MECOM: variants seen among roughly 807,000 people sequenced by gnomAD.
The protein encoded by MECOM is histone-lysine N-methyltransferase MECOM.
A neutral mutation model predicts 116.3 loss-of-function variants in MECOM; 13 were observed. That is an observed-to-expected ratio of 0.11 (90% CI 0.07 to 0.18). The LOEUF (loss-of-function observed/expected upper bound fraction) is 0.18. MECOM is among the 10% of genes least tolerant of loss of function. The pLI, the probability that MECOM is intolerant of heterozygous loss-of-function variation, is 1.00. For missense variants in MECOM, 1,299 were observed against 1,509.0 expected (o/e 0.86, Z 2.31); for synonymous variants, 528 against 535.2 (o/e 0.99, Z 0.19).
At chr3:169,620,034 C>T (rs1577140754) in intron 1 of MECOM, among the ~76,000 whole-genome samples, 1 of 152,278 alleles carries the variant, frequency 6.6e-6, no homozygotes, top group East Asian at 1.9e-4. Context: ...TGTCAACAAA[C>T]AATTGCTTTG....
rs3042768 is a variant in MECOM at position 169,479,652 on chromosome 3, TA to T, written c.38-98129del. Among the ~76,000 whole-genome samples the T allele has an allele frequency of 2.4e-3, 308 of 126,664 alleles. 1 individual carries two copies. The highest frequency in any genetic ancestry group is 5.3e-3 in the Admixed American group (65 of 12,154). The allele number at this position is 126,664 out of a possible 152,430, so 83.1% of individuals were successfully genotyped here. The stretch of plus-strand genomic sequence containing the variant: ...TCTCATTTTCAGATTTTCTCTTACC[TA>T]AAAAAAAAAAAAAAAAAAAAAAAAT... On this transcript the variant is annotated intron_variant, in intron 1 of 16. Transcript: ENST00000651503.
intron 1 of MECOM, among the ~76,000 whole-genome samples, chr3:169,507,713 G>C (rs1755437022): frequency 7.8e-6 from 1 of 128,192 alleles, no homozygotes; most frequent in East Asian, 2.4e-4. Context: ...CCAGGCTGGA[G>C]TGCAGTGGCG....
At chr3:169,352,810 G>A (rs768035172) in intron 2 of MECOM, among the ~76,000 whole-genome samples, 55 of 151,980 alleles carry the variant, frequency 3.6e-4, no homozygotes, top group Admixed American at 1.2e-3. Context: ...TTCTTGCAAC[G>A]AAGCTATTCA....
intron 1 of MECOM, among the ~76,000 whole-genome samples, chr3:169,416,717 A>G (rs1738672302): frequency 6.6e-6 from 1 of 152,214 alleles, no homozygotes; most frequent in Non-Finnish European, 1.5e-5. Flanking sequence ...CTGACCCCAT[A>G]GAAATACAAA....
At chr3:169,177,643 G>A (rs1346180423) in intron 2 of MECOM, among the ~76,000 whole-genome samples, 1 of 152,040 alleles carries the variant, frequency 6.6e-6, no homozygotes. Context: ...AGGACCAGGC[G>A]CGGTTGCTCA....
intron 1 of MECOM, among the ~76,000 whole-genome samples, chr3:169,419,907 T>C (rs1369918336): frequency 6.6e-6 from 1 of 152,024 alleles, no homozygotes; most frequent in Non-Finnish European, 1.5e-5. Flanking sequence ...TAAACAAATT[T>C]ACAAGAAGAA....
intron 2 of MECOM, among the ~76,000 whole-genome samples, chr3:169,310,910 C>A (rs1718635575): frequency 6.6e-6 from 1 of 152,186 alleles, no homozygotes; most frequent in South Asian, 2.1e-4. Flanking sequence ...GCCTCTATCC[C>A]AGGGTCCTGC....
intron 2 of MECOM, among the ~76,000 whole-genome samples, chr3:169,368,032 C>T (rs1485273210): frequency 2.6e-5 from 4 of 152,008 alleles, no homozygotes; most frequent in Non-Finnish European, 4.4e-5. Flanking sequence ...TTATGAACAT[C>T]TTATATCGAA....
intron 2 of MECOM, among the ~76,000 whole-genome samples, chr3:169,226,432 C>T (rs956912916): frequency 5.9e-5 from 9 of 152,096 alleles, no homozygotes; most frequent in East Asian, 1.9e-4. Flanking sequence ...TTGTGAATTA[C>T]GTATTATGAA....
chr3:169,323,929 G>C (rs1195494224), intron 2 of MECOM, among the ~76,000 whole-genome samples: 1 of 152,102 alleles, frequency 6.6e-6, no homozygotes, highest in Admixed American at 6.6e-5. Flanking sequence ...AGCCTCCTTG[G>C]CTATTTTTCA....
Position 169,109,417 on chromosome 3 carries a change from CTT to C in MECOM, c.2578-1467_2578-1466del, listed in dbSNP as rs3980922. 1.5e-3 allele frequency among the ~76,000 whole-genome samples: 217 copies of C among 141,656 alleles called. 1 individual carries two copies. The highest frequency in any genetic ancestry group is 4.3e-3 in the East Asian group (21 of 4,906). 92.9% of individuals were successfully genotyped at this position (141,656 alleles called of 152,430 possible). A position where few individuals can be genotyped will look rare whatever the true frequency, so the allele number is the denominator to read the frequency against. On this transcript the variant is annotated intron_variant, in intron 9 of 16. Transcript: ENST00000651503. ...AATTTTGATGTATGCATTCATGTAT[CTT>C]TTTTTTTTTTTTGAGTTGGACTTTC...
intron 1 of MECOM, among the ~76,000 whole-genome samples, chr3:169,531,916 G>A (rs1358913067): frequency 6.6e-6 from 1 of 152,166 alleles, no homozygotes; most frequent in African/African-American, 2.4e-5. Context: ...ACAAGTTTTA[G>A]ATCAAAAGGA....
Position 169,539,107 on chromosome 3 carries a change from C to A in MECOM, c.37+124229G>T, listed in dbSNP as rs139749774. 2.0e-4 allele frequency among the ~76,000 whole-genome samples: 30 copies of A among 151,870 alleles called. No individual in the cohort carries two copies. The East Asian group carries it at 5.8e-3, about 29-fold the overall frequency. On this transcript the variant is annotated intron_variant, in intron 1 of 16. Transcript: ENST00000651503. ...CTATATACATATGAAACTAGACTAT[C>A]CAGGAAAATATAGAATAGCTCGTTG...
At chr3:169,140,534 T>C (rs1257485900) in intron 3 of MECOM, among the ~76,000 whole-genome samples, 3 of 152,056 alleles carry the variant, frequency 2.0e-5, no homozygotes, top group Non-Finnish European at 2.9e-5. Context: ...TTAGCAGTGA[T>C]GTCAATGTTT....
chr3:169,430,089 A>G (rs1741365453), intron 1 of MECOM, among the ~76,000 whole-genome samples: 1 of 152,212 alleles, frequency 6.6e-6, no homozygotes, highest in African/African-American at 2.4e-5. Context: ...GTAAGATTCT[A>G]CTTTGAACAG....
chr3:169,240,545 T>C (rs558321215), intron 2 of MECOM, among the ~76,000 whole-genome samples: 3 of 152,222 alleles, frequency 2.0e-5, no homozygotes, highest in Non-Finnish European at 4.4e-5. Context: ...CTTAAAATGA[T>C]GTGTCCTCTT....
intron 1 of MECOM, among the ~76,000 whole-genome samples, chr3:169,449,447 T>C (rs182157192): frequency 7.2e-5 from 11 of 152,336 alleles, no homozygotes; most frequent in East Asian, 3.9e-4. Flanking sequence ...GAAAATGATC[T>C]ACTTGCCTAT....
intron 2 of MECOM, among the ~76,000 whole-genome samples, chr3:169,212,260 A>G (rs1750819085): frequency 6.6e-6 from 1 of 152,028 alleles, no homozygotes; most frequent in Non-Finnish European, 1.5e-5. Flanking sequence ...CTCTCACAAC[A>G]GCCAGAGTGA....
intron 2 of MECOM, among the ~76,000 whole-genome samples, chr3:169,343,422 A>C (rs1404597633): frequency 6.6e-6 from 1 of 152,136 alleles, no homozygotes; most frequent in Admixed American, 6.6e-5. Context: ...CCAGCATCTT[A>C]GGGTCCAAGG....
Sources: allele counts gnomAD v4.1 joint callset (sites outside exome capture counted in the v4.1 genomes callset), GRCh38; gene constraint gnomAD v4.1.1; transcripts MANE v1.5; gene names NCBI Gene and HGNC (gene_info 2026-07-23, HGNC 2026-07-21).